Variants in LGSN observed in about 807,000 individuals in gnomAD.
The protein encoded by LGSN is lengsin.
A neutral mutation model predicts 19.5 loss-of-function variants in LGSN; 21 were observed. The ratio of observed to expected loss-of-function variants is 1.07; its 90% CI spans 0.76 to 1.55. The LOEUF (loss-of-function observed/expected upper bound fraction) is 1.55, where lower values mean the gene tolerates loss of function less well. LGSN is among the 40% of genes most tolerant of loss of function. The pLI is 0.00. For missense variants in LGSN, 673 were observed against 608.5 expected, an observed-to-expected ratio of 1.11 and a Z score of -1.12; for synonymous variants, 257 against 215.6, an observed-to-expected ratio of 1.19 and a Z score of -1.68.
chr6:63,562,515 C>T, the LGSN span, among the ~76,000 whole-genome samples: 7 of 152,026 alleles, frequency 4.6e-5, no homozygotes, highest in Non-Finnish European at 8.8e-5. Flanking sequence ...TTTTAATATC[C>T]GAAAAGTATT....
the LGSN span, among the ~76,000 whole-genome samples, chr6:63,389,750 A>T: frequency 6.6e-6 from 1 of 152,268 alleles, no homozygotes; most frequent in Non-Finnish European, 1.5e-5. Flanking sequence ...GGAGACGATC[A>T]TATCAGTACT....
At chr6:63,477,676 C>T in the LGSN span, among the ~76,000 whole-genome samples, 131 of 57,962 alleles carry the variant, frequency 2.3e-3, no homozygotes, top group Middle Eastern at 0.01. Context: ...TCTTCTTCTT[C>T]TTCTTTTTTT....
At chr6:63,447,618 T>A in the LGSN span, among the ~76,000 whole-genome samples, 4 of 152,390 alleles carry the variant, frequency 2.6e-5, 1 homozygote, top group Non-Finnish European at 5.9e-5. Context: ...CCTGTTAATC[T>A]ATCCTAATGA....
chr6:63,528,359 G>A, the LGSN span, among the ~76,000 whole-genome samples: 2 of 152,122 alleles, frequency 1.3e-5, no homozygotes, highest in Non-Finnish European at 2.9e-5. Flanking sequence ...TACTCTGGAG[G>A]CTGAGGTGGG....
chr6:63,416,898 A>G, the LGSN span, among the ~76,000 whole-genome samples: 1 of 146,536 alleles, frequency 6.8e-6, no homozygotes, highest in African/African-American at 2.6e-5. Flanking sequence ...ATATATATAT[A>G]CACTTTAAAA....
the LGSN span, among the ~76,000 whole-genome samples, chr6:63,499,091 A>G: frequency 6.6e-6 from 1 of 152,146 alleles, no homozygotes; most frequent in Middle Eastern, 3.2e-3. Context: ...TACATTGTTT[A>G]TGTGATGATT....
intron 1 of LGSN, among the ~76,000 whole-genome samples, chr6:63,316,258 T>C (rs1768848944): frequency 6.6e-6 from 1 of 152,124 alleles, no homozygotes; most frequent in South Asian, 2.1e-4. Context: ...CTGAGAGCTC[T>C]GTGTGAAAGA....
the LGSN span, among the ~76,000 whole-genome samples, chr6:63,468,830 C>A: frequency 6.6e-6 from 1 of 151,752 alleles, no homozygotes; most frequent in Non-Finnish European, 1.5e-5. Flanking sequence ...CTCACAGCAA[C>A]CTCTGTCTCC....
intron 2 of LGSN, among the ~76,000 whole-genome samples, chr6:63,290,082 GA>G (rs1432728680): frequency 2.0e-5 from 3 of 152,196 alleles, no homozygotes; most frequent in East Asian, 3.9e-4. Flanking sequence ...ATTAGTTTTG[GA>G]AAAACTTAGA....
chr6:63,530,912 G>A, the LGSN span, among the ~76,000 whole-genome samples: 89 of 152,132 alleles, frequency 5.9e-4, no homozygotes, highest in African/African-American at 2.1e-3. Flanking sequence ...TGATTAGAAT[G>A]GTTTCCATAC....
the LGSN span, among the ~76,000 whole-genome samples, chr6:63,448,509 T>A: frequency 6.6e-6 from 1 of 151,908 alleles, no homozygotes; most frequent in African/African-American, 2.4e-5. Context: ...GTCTCAGGGA[T>A]CCTACTCTGC....
the LGSN span, among the ~76,000 whole-genome samples, chr6:63,509,506 G>T: frequency 6.6e-6 from 1 of 151,994 alleles, no homozygotes; most frequent in Non-Finnish European, 1.5e-5. Context: ...TGTAGAAATC[G>T]ACATTAAAAT....
At chr6:63,457,164 T>G in the LGSN span, among the ~76,000 whole-genome samples, 1 of 152,220 alleles carries the variant, frequency 6.6e-6, no homozygotes, top group Admixed American at 6.5e-5. Flanking sequence ...ACTGATTTTC[T>G]TTCATACTGT....
the LGSN span, among the ~76,000 whole-genome samples, chr6:63,546,426 C>G: frequency 6.6e-6 from 1 of 152,170 alleles, no homozygotes; most frequent in Non-Finnish European, 1.5e-5. Context: ...CAACATTTGG[C>G]CGGGTGCGGT....
the LGSN span, among the ~76,000 whole-genome samples, chr6:63,531,673 G>A: frequency 2.6e-5 from 4 of 151,816 alleles, no homozygotes; most frequent in Middle Eastern, 3.2e-3. Flanking sequence ...ATACTTTTTT[G>A]TAGGGATGGG....
intron 1 of LGSN, among the ~76,000 whole-genome samples, chr6:63,300,780 T>G (rs1768150757): frequency 1.3e-5 from 2 of 152,218 alleles, no homozygotes; most frequent in Admixed American, 1.3e-4. Flanking sequence ...AATTTATGCC[T>G]TAGCATCTTA....
chr6:63,425,035 T>C, the LGSN span, among the ~76,000 whole-genome samples: 2 of 152,184 alleles, frequency 1.3e-5, no homozygotes, highest in Non-Finnish European at 2.9e-5. Flanking sequence ...TTCAACATGA[T>C]TACCAATCAG....
chr6:63,509,073 C>CT, the LGSN span, among the ~76,000 whole-genome samples: 100 of 143,496 alleles, frequency 7.0e-4, no homozygotes, highest in Middle Eastern at 0.014. Flanking sequence ...AAAAAATTTT[C>CT]TTTTTTTTTT....
At chr6:63,367,064 G>A in the LGSN span, among the ~76,000 whole-genome samples, 6 of 152,000 alleles carry the variant, frequency 3.9e-5, no homozygotes, top group Admixed American at 1.3e-4. Flanking sequence ...CAAAAGCAAA[G>A]GCAACAAAAG....
Sources: allele counts gnomAD v4.1 joint callset (sites outside exome capture counted in the v4.1 genomes callset), GRCh38; gene constraint gnomAD v4.1.1; transcripts MANE v1.5; gene names NCBI Gene and HGNC (gene_info 2026-07-23, HGNC 2026-07-21).